ITGA9: variants seen among roughly 807,000 people sequenced by gnomAD.
The protein encoded by ITGA9 is integrin alpha-9.
In ITGA9, 56 loss-of-function variants were observed where a neutral mutation model predicts 127.8. The ratio of observed to expected loss-of-function variants is 0.44; its 90% CI spans 0.35 to 0.55. The LOEUF is 0.55. ITGA9 is among the 20% of genes least tolerant of loss of function. The probability of loss-of-function intolerance (pLI) is 0.00; values close to 1 mark genes in which losing one functional copy is unlikely to be tolerated. For missense variants in ITGA9, 1,196 were observed against 1,347.1 expected (o/e 0.89, Z 1.76); for synonymous variants, 508 against 514.5 (o/e 0.99, Z 0.17).
At chr3:37,782,964 C>T (rs1213949085) in intron 25 of ITGA9, among the ~76,000 whole-genome samples, 1 of 152,026 alleles carries the variant, frequency 6.6e-6, no homozygotes, top group Non-Finnish European at 1.5e-5. Context: ...ATGGTGAAAC[C>T]CCATCTCTAC....
At chr3:37,485,007 A>G (rs1698594600) in intron 4 of ITGA9, among the ~76,000 whole-genome samples, 2 of 152,230 alleles carry the variant, frequency 1.3e-5, no homozygotes, top group Non-Finnish European at 2.9e-5. Flanking sequence ...AATCTTAAGT[A>G]CTTGTTAGTT....
chr3:37,704,799 C>T (rs1457997997), intron 18 of ITGA9, among the ~76,000 whole-genome samples: 3 of 152,158 alleles, frequency 2.0e-5, no homozygotes, highest in African/African-American at 2.4e-5. Flanking sequence ...TGGAATCCTG[C>T]GACATGTTCT....
chr3:37,744,199 G>A (rs550331890), intron 22 of ITGA9, among the ~76,000 whole-genome samples, 165 bp downstream of exon 22: 22 of 152,254 alleles, frequency 1.4e-4, no homozygotes, highest in South Asian at 4.1e-4. Context: ...AATCCTTTTC[G>A]ATGCCTGGTA....
chr3:37,819,267 A>G lies in ITGA9; in HGVS notation c.*278A>G. The G allele has an allele frequency of 3.9e-6, 2 of 510,170 alleles. No homozygotes were observed. The highest frequency in any genetic ancestry group is 7.0e-6 in the Non-Finnish European group (2 of 284,108). 31.6% of individuals were successfully genotyped at this position (510,170 alleles called of 1,614,324 possible). ...TTTATGGATGCAACACGCATGGTCA[A>G]CCCTCAGGGGAAAACTGTTACCTAA... On this transcript the variant is annotated 3_prime_UTR_variant, in exon 28 of 28. Transcript: ENST00000264741.
At chr3:37,790,324 C>T (rs1176665835) in intron 26 of ITGA9, 12 of 532,824 alleles carry the variant, frequency 2.3e-5, no homozygotes, top group South Asian at 1.7e-4. Context: ...AATCTGCTCT[C>T]ACAGGAGGCT....
intron 4 of ITGA9, among the ~76,000 whole-genome samples, chr3:37,485,633 G>A (rs185342194): frequency 1.7e-3 from 265 of 152,264 alleles, no homozygotes; most frequent in Admixed American, 2.6e-3. Context: ...TGGAAGGTCG[G>A]TTTGGTTGCA....
intron 26 of ITGA9, among the ~76,000 whole-genome samples, chr3:37,785,838 T>C (rs1217609617): frequency 6.6e-6 from 1 of 152,044 alleles, no homozygotes; most frequent in Non-Finnish European, 1.5e-5. Context: ...TAGTAACTGC[T>C]CTTTAACTAT....
chr3:37,703,179 T>G (rs988597241), intron 18 of ITGA9, among the ~76,000 whole-genome samples: 4 of 152,218 alleles, frequency 2.6e-5, no homozygotes, highest in Admixed American at 2.6e-4. Flanking sequence ...CTTCCCAAAT[T>G]ACTGATCTGA....
intron 8 of ITGA9, among the ~76,000 whole-genome samples, chr3:37,509,799 A>G (rs926059224): frequency 5.3e-5 from 8 of 152,182 alleles, no homozygotes; most frequent in Non-Finnish European, 1.5e-5. Context: ...CCATTCTGCA[A>G]AAGGGTTTTC....
At chr3:37,474,419 C>G (rs77860557) in intron 3 of ITGA9, among the ~76,000 whole-genome samples, 16,217 of 152,244 alleles carry the variant, frequency 0.11, 1,222 homozygotes, top group East Asian at 0.31. Flanking sequence ...TTATTAGACT[C>G]AACACGAAAG....
intron 15 of ITGA9, among the ~76,000 whole-genome samples, chr3:37,564,614 G>A (rs1288801689): frequency 2.0e-5 from 3 of 152,226 alleles, no homozygotes; most frequent in Non-Finnish European, 4.4e-5. Context: ...TCTATGACCA[G>A]AGGAAGCAGC....
At chr3:37,792,710 T>C (rs1007941364) in intron 26 of ITGA9, among the ~76,000 whole-genome samples, 4 of 152,210 alleles carry the variant, frequency 2.6e-5, no homozygotes, top group African/African-American at 9.6e-5. Context: ...GTGTATGTTC[T>C]TTAAAAATCG....
intron 15 of ITGA9, among the ~76,000 whole-genome samples, chr3:37,625,361 A>G (rs1251702678): frequency 6.6e-6 from 1 of 152,180 alleles, no homozygotes; most frequent in Non-Finnish European, 1.5e-5. Context: ...GGCATAAAGT[A>G]AGCACCCAAT....
chr3:37,681,072 A>G (rs1226934294), intron 17 of ITGA9, among the ~76,000 whole-genome samples: 1 of 152,208 alleles, frequency 6.6e-6, no homozygotes, highest in Non-Finnish European at 1.5e-5. Flanking sequence ...ATGGGTAATG[A>G]GGATTCCACC....
At chr3:37,486,802 T>C (rs1215405047) in intron 4 of ITGA9, among the ~76,000 whole-genome samples, 3 of 152,232 alleles carry the variant, frequency 2.0e-5, no homozygotes, top group South Asian at 2.1e-4. Context: ...AATTTGGGAT[T>C]GTTGAAGTCT....
intron 4 of ITGA9, among the ~76,000 whole-genome samples, chr3:37,493,544 T>C (rs1372049655): frequency 6.6e-6 from 1 of 152,220 alleles, no homozygotes; most frequent in Admixed American, 6.5e-5. Context: ...CCAGTCACTT[T>C]CCTGGGTATT....
At chr3:37,679,001 G>A (rs1193007509) in intron 17 of ITGA9, among the ~76,000 whole-genome samples, 1 of 152,126 alleles carries the variant, frequency 6.6e-6, no homozygotes, top group African/African-American at 2.4e-5. Flanking sequence ...AAAAAAGCCA[G>A]CTGCTATAAG....
chr3:37,757,257 C>G (rs548739526), intron 23 of ITGA9, among the ~76,000 whole-genome samples: 1 of 151,816 alleles, frequency 6.6e-6, no homozygotes, highest in Admixed American at 6.5e-5. Context: ...AAAAAATAGA[C>G]AAACCTGCAG....
At chr3:37,638,451 GAA>G (rs35047739) in intron 16 of ITGA9, among the ~76,000 whole-genome samples, 14 of 127,590 alleles carry the variant, frequency 1.1e-4, no homozygotes, top group South Asian at 5.7e-4. Context: ...TGATTATGGG[GAA>G]AAAAAAAAAA....
Sources: gnomAD v4.1 joint callset for allele counts (sites outside exome capture counted in the v4.1 genomes callset) on GRCh38, gnomAD v4.1.1 for gene constraint, MANE v1.5 for transcripts, NCBI Gene and HGNC (gene_info 2026-07-23, HGNC 2026-07-21) for gene names.